The following CDK17 variants were observed in gnomAD, a reference collection of about 807,000 sequenced individuals.
CDK17 encodes the protein cyclin-dependent kinase 17.
In CDK17, 24 loss-of-function variants were observed where a neutral mutation model predicts 77.6. The ratio of observed to expected loss-of-function variants is 0.31; its 90% CI spans 0.22 to 0.44. The LOEUF (loss-of-function observed/expected upper bound fraction) is 0.44. CDK17 is among the 20% of genes least tolerant of loss of function. The pLI is 1.00. For synonymous variants in CDK17, 203 were observed against 210.4 expected, an observed-to-expected ratio of 0.96 and a Z score of 0.30; for missense variants, 429 against 622.5, an observed-to-expected ratio of 0.69 and a Z score of 3.31.
chr12:96,297,214 A>C (rs1339601600), intron 9 of CDK17, 56 bp downstream of exon 9: 1 of 1,080,986 alleles, frequency 9.3e-7, no homozygotes, highest in East Asian at 2.4e-5. Flanking sequence ...TCATTATATA[A>C]TGGTTCACCT....
intron 1 of CDK17, among the ~76,000 whole-genome samples, chr12:96,348,613 A>G (rs1230074783): frequency 2.0e-5 from 3 of 152,092 alleles, no homozygotes; most frequent in Non-Finnish European, 4.4e-5. Context: ...ATTACACTCA[A>G]ATGACTAAAA....
chr12:96,323,043 T>G (rs918978429), intron 3 of CDK17, among the ~76,000 whole-genome samples: 1 of 151,986 alleles, frequency 6.6e-6, no homozygotes, highest in African/African-American at 2.4e-5. Flanking sequence ...AGTAAGCACA[T>G]AAAACGAGCA....
chr12:96,300,568 T>C (rs1371652705), intron 5 of CDK17, among the ~76,000 whole-genome samples: 1 of 152,110 alleles, frequency 6.6e-6, no homozygotes, highest in Non-Finnish European at 1.5e-5. Context: ...GGCAAATTTT[T>C]GCATTTTTAG....
At chr12:96,361,042 T>C (rs952888507) in intron 1 of CDK17, among the ~76,000 whole-genome samples, 6 of 152,176 alleles carry the variant, frequency 3.9e-5, no homozygotes, top group Non-Finnish European at 8.8e-5. Flanking sequence ...TCGTAGGAAC[T>C]ATGAAAACTC....
At chr12:96,300,543 C>T (rs903065211) in intron 5 of CDK17, among the ~76,000 whole-genome samples, 183 bp from the exon 6 acceptor site, 7 of 151,990 alleles carry the variant, frequency 4.6e-5, no homozygotes, top group Admixed American at 2.0e-4. Flanking sequence ...ATTACAGGCA[C>T]GCAGCACCAA....
intron 1 of CDK17, among the ~76,000 whole-genome samples, chr12:96,336,456 T>C (rs1953041952): frequency 6.6e-6 from 1 of 152,084 alleles, no homozygotes; most frequent in Non-Finnish European, 1.5e-5. Context: ...CAGAATAAGA[T>C]GCTCTCTTAA....
intron 5 of CDK17, among the ~76,000 whole-genome samples, chr12:96,310,368 T>C (rs1952631472): frequency 6.6e-6 from 1 of 151,992 alleles, no homozygotes; most frequent in Admixed American, 6.6e-5. Flanking sequence ...TACACAAAGC[T>C]CAGACGTTTT....
chr12:96,375,727 G>A (rs1953769552), intron 1 of CDK17, among the ~76,000 whole-genome samples: 1 of 151,842 alleles, frequency 6.6e-6, no homozygotes, highest in Admixed American at 6.6e-5. Flanking sequence ...TGTATTTTTA[G>A]TAGAGATGGG....
chr12:96,354,728 T>A (rs550030093), intron 1 of CDK17, among the ~76,000 whole-genome samples: 1 of 151,682 alleles, frequency 6.6e-6, no homozygotes, highest in South Asian at 2.1e-4. Flanking sequence ...GGAAAAAAAA[T>A]TAAAAATTAG....
chr12:96,294,801 C>T (rs1300876362), intron 10 of CDK17, among the ~76,000 whole-genome samples, 198 bp downstream of exon 10: 1 of 151,992 alleles, frequency 6.6e-6, no homozygotes, highest in Non-Finnish European at 1.5e-5. Context: ...CCAAGAACAG[C>T]CTGTGCATTT....
rs551033944 is a variant in CDK17, at chr12:96,299,821, T to C, written c.600+483A>G. Among the ~76,000 whole-genome samples the C allele has an allele frequency of 9.4e-4, 143 of 152,354 alleles. 2 individuals carry two copies. Among genetic ancestry groups the C allele is most frequent in the Admixed American group, 3.5e-3 (53 of 15,312 alleles). Reference sequence around the variant, plus strand: ...TCCTTTAAGCCTTCCCTATTAACTATTGTTTTCTTTGCCCTTTCCTACTAT... The same window carrying C: ...TCCTTTAAGCCTTCCCTATTAACTACTGTTTTCTTTGCCCTTTCCTACTAT... On this transcript the variant is annotated intron_variant, in intron 6 of 16. Coordinates refer to ENST00000261211, the MANE Select transcript of CDK17 (RefSeq NM_002595.5).
chr12:96,366,848 A>C (rs867410985), intron 1 of CDK17, among the ~76,000 whole-genome samples: 2 of 152,288 alleles, frequency 1.3e-5, no homozygotes, highest in Admixed American at 1.3e-4. Context: ...TCTGAGTAGA[A>C]AGATATCAAC....
chr12:96,357,027 A>G (rs1273718091), intron 1 of CDK17, among the ~76,000 whole-genome samples: 2 of 152,316 alleles, frequency 1.3e-5, no homozygotes, highest in South Asian at 4.1e-4. Context: ...TCAGATAGTG[A>G]TCTATTAGAA....
rs188058508 is a variant in CDK17, at chr12:96,353,221, G to C, written c.-29-18356C>G. Among the ~76,000 whole-genome samples the C allele has an allele frequency of 4.4e-3, 673 of 152,138 alleles. 5 individuals are homozygous for C. The highest frequency in any genetic ancestry group is 0.024 in the Middle Eastern group (7 of 294). On this transcript the variant is annotated intron_variant, in intron 1 of 16. Coordinates refer to ENST00000261211, the MANE Select transcript of CDK17 (RefSeq NM_002595.5). ...TCAGGCCATACATGCTGTTTCATAGGCTGTTTTCCCATGAAGTATTACATT... is the reference window on the plus strand; with the variant it reads ...TCAGGCCATACATGCTGTTTCATAGCCTGTTTTCCCATGAAGTATTACATT...
intron 11 of CDK17, among the ~76,000 whole-genome samples, chr12:96,287,046 G>A (rs1355790344): frequency 6.6e-6 from 1 of 152,174 alleles, no homozygotes. Context: ...TTTACTATGT[G>A]TTAGAAATGT....
chr12:96,396,393 T>A (rs2137254517), intron 1 of CDK17, among the ~76,000 whole-genome samples: 1 of 152,322 alleles, frequency 6.6e-6, no homozygotes, highest in South Asian at 2.1e-4. Context: ...CCTCTCCCCA[T>A]CAGTTCAAAG....
At chr12:96,362,287 C>A (rs1010161684) in intron 1 of CDK17, among the ~76,000 whole-genome samples, 1 of 151,990 alleles carries the variant, frequency 6.6e-6, no homozygotes, top group African/African-American at 2.4e-5. Context: ...GGCCCCACAT[C>A]GGCTCACTGC....
chr12:96,324,647 G>A (rs1468013715), intron 2 of CDK17, among the ~76,000 whole-genome samples: 2 of 151,966 alleles, frequency 1.3e-5, no homozygotes, highest in Non-Finnish European at 2.9e-5. Context: ...TGCGCCTGTA[G>A]TCCCAGCTAC....
chr12:96,329,407 C>A (rs1400540240), intron 2 of CDK17, among the ~76,000 whole-genome samples: 3 of 152,120 alleles, frequency 2.0e-5, no homozygotes, highest in Admixed American at 2.0e-4. Flanking sequence ...ATTTTTACCA[C>A]CACAACATGA....
Sources: allele counts gnomAD v4.1 joint callset (sites outside exome capture counted in the v4.1 genomes callset), GRCh38; gene constraint gnomAD v4.1.1; transcripts MANE v1.5; gene names NCBI Gene and HGNC (gene_info 2026-07-23, HGNC 2026-07-21).